FARS2: variants seen among roughly 807,000 people sequenced by gnomAD.
FARS2 encodes phenylalanine--tRNA ligase, mitochondrial.
In FARS2, 40 loss-of-function variants were observed where a neutral mutation model predicts 46.4. The observed-to-expected ratio is 0.86, with a 90% CI of 0.67 to 1.12. The LOEUF (loss-of-function observed/expected upper bound fraction) is 1.12, where lower values mean the gene tolerates loss of function less well. Ranked by LOEUF, FARS2 falls within the 50% of genes most tolerant of loss-of-function variation. The probability of loss-of-function intolerance (pLI) is 0.00; values close to 1 mark genes in which losing one functional copy is unlikely to be tolerated. For synonymous variants in FARS2, 234 were observed against 214.9 expected (o/e 1.09, Z -0.78); for missense variants, 513 against 567.9 (o/e 0.90, Z 0.98).
chr6:5,606,610 G>A (rs1345404246), intron 5 of FARS2, among the ~76,000 whole-genome samples: 8 of 152,150 alleles, frequency 5.3e-5, no homozygotes, highest in Non-Finnish European at 7.3e-5. Flanking sequence ...ACAAGGTACC[G>A]CTGCACTTTC....
chr6:5,350,213 G>C (rs534839604), intron 1 of FARS2, among the ~76,000 whole-genome samples: 3 of 122,544 alleles, frequency 2.4e-5, no homozygotes, highest in African/African-American at 9.9e-5. Flanking sequence ...TCACTATGTT[G>C]CCCAGGCTGA....
chr6:5,354,749 G>A (rs754120368), intron 1 of FARS2, among the ~76,000 whole-genome samples: 26 of 152,022 alleles, frequency 1.7e-4, no homozygotes, highest in East Asian at 1.9e-4. Flanking sequence ...TCCTGACCTC[G>A]TGATCCACCT....
chr6:5,546,991 C>T (rs1443477799), intron 5 of FARS2, among the ~76,000 whole-genome samples: 1 of 151,452 alleles, frequency 6.6e-6, no homozygotes, highest in African/African-American at 2.4e-5. Context: ...TTGCTCTGTT[C>T]CCCAGGCTGG....
chr6:5,285,012 G>C (rs1343526401), intron 1 of FARS2, among the ~76,000 whole-genome samples: 2 of 152,184 alleles, frequency 1.3e-5, no homozygotes, highest in African/African-American at 4.8e-5. Context: ...TTTTGTTAAG[G>C]ATCCTGGCTC....
chr6:5,726,553 A>G (rs924747277), intron 6 of FARS2, among the ~76,000 whole-genome samples: 8 of 152,232 alleles, frequency 5.3e-5, no homozygotes, highest in Admixed American at 1.3e-4. Context: ...GCGCAGGAGC[A>G]CATGAATTGT....
At chr6:5,741,028 TG>T (rs1216076060) in intron 6 of FARS2, among the ~76,000 whole-genome samples, 3 of 152,202 alleles carry the variant, frequency 2.0e-5, no homozygotes, top group Non-Finnish European at 1.5e-5. Flanking sequence ...TAACACAGAC[TG>T]CGGCAGGGTC....
At chr6:5,686,008 TGA>T (rs1757168810) in intron 6 of FARS2, among the ~76,000 whole-genome samples, 1 of 151,972 alleles carries the variant, frequency 6.6e-6, no homozygotes, top group Non-Finnish European at 1.5e-5. Flanking sequence ...ACGTGAAGGG[TGA>T]AAATGATGCC....
chr6:5,535,938 G>A (rs1226110810), intron 4 of FARS2, among the ~76,000 whole-genome samples: 1 of 151,922 alleles, frequency 6.6e-6, no homozygotes. Context: ...TGGTTTGCTG[G>A]TAATTTCTTG....
upstream of FARS2, chr6:5,260,827 G>A: frequency 3.9e-6 from 6 of 1,520,184 alleles, no homozygotes; most frequent in Non-Finnish European, 4.4e-6. Flanking sequence ...AACCACGAAC[G>A]AAATAAAATG....
At chr6:5,763,770 T>G (rs199660081) in intron 6 of FARS2, among the ~76,000 whole-genome samples, 8,555 of 132,098 alleles carry the variant, frequency 0.065, 603 homozygotes, top group East Asian at 0.31. Flanking sequence ...CCCTTTTGGT[T>G]TTTTTTTTTT....
At chr6:5,473,718 G>T (rs539778923) in intron 4 of FARS2, among the ~76,000 whole-genome samples, 5 of 152,178 alleles carry the variant, frequency 3.3e-5, no homozygotes, top group African/African-American at 9.6e-5. Context: ...TTTTTTATTT[G>T]CAGGCTAAAT....
chr6:5,766,670 GA>G (rs1762767280), intron 6 of FARS2, among the ~76,000 whole-genome samples: 1 of 152,116 alleles, frequency 6.6e-6, no homozygotes, highest in African/African-American at 2.4e-5. Context: ...TTTAATTGAG[GA>G]AAAATTGACA....
chr6:5,391,225 T>C (rs6902072), intron 2 of FARS2, among the ~76,000 whole-genome samples: 2 of 152,144 alleles, frequency 1.3e-5, no homozygotes, highest in Non-Finnish European at 2.9e-5. Context: ...GCCTGGAAGA[T>C]GGGGTCATGA....
intron 1 of FARS2, among the ~76,000 whole-genome samples, chr6:5,290,831 C>T (rs541881224): frequency 6.6e-6 from 1 of 152,330 alleles, no homozygotes; most frequent in African/African-American, 2.4e-5. Flanking sequence ...TTCCACCTCC[C>T]ACCTCAGCTT....
At chr6:5,323,425 AGG>A (rs1770124876) in intron 1 of FARS2, among the ~76,000 whole-genome samples, 1 of 152,238 alleles carries the variant, frequency 6.6e-6, no homozygotes, top group African/African-American at 2.4e-5. Context: ...GGTTGGCCTT[AGG>A]AAGCCTGGGT....
At chr6:5,326,601 C>G (rs1295268913) in intron 1 of FARS2, among the ~76,000 whole-genome samples, 7 of 152,200 alleles carry the variant, frequency 4.6e-5, no homozygotes, top group Admixed American at 4.6e-4. Flanking sequence ...TCCTGTGTCA[C>G]CTTCGTTAAA....
In FARS2 at chr6:5,528,070, G is replaced by A. The variant is rs145957108; in HGVS notation, c.905-17110G>A. Among the ~76,000 whole-genome samples the A allele has an allele frequency of 6.1e-3, 932 of 152,062 alleles. 11 individuals carry two copies. Among genetic ancestry groups the A allele is most frequent in the African/African-American group, 0.021 (867 of 41,484 alleles). On this transcript the variant is annotated intron_variant, in intron 4 of 6. Transcript: ENST00000274680. ...AGCAAGGCATAACTATTCCCTTTACGTTTTCAAAAGGTTCTGCAATACCCT... is the reference window on the plus strand; with the variant it reads ...AGCAAGGCATAACTATTCCCTTTACATTTTCAAAAGGTTCTGCAATACCCT...
At chr6:5,737,933 A>G (rs945678951) in intron 6 of FARS2, among the ~76,000 whole-genome samples, 1 of 152,132 alleles carries the variant, frequency 6.6e-6, no homozygotes, top group Non-Finnish European at 1.5e-5. Context: ...TACCTTCAGA[A>G]TTCGTTGTTA....
Position 5,652,890 on chromosome 6 carries a change from G to A in FARS2, c.1217+39570G>A, listed in dbSNP as rs571170264. Among the ~76,000 whole-genome samples the A allele has an allele frequency of 1.8e-4, 28 of 152,344 alleles. No individual in the cohort carries two copies. The South Asian group carries it at 2.1e-3, about 11-fold the overall frequency. ...CCAGACAGTCTGTAAGGCAGTGATC[G>A]TGTCCAGGATCCTAAGAGTTTCCTT... On this transcript the variant is annotated intron_variant, in intron 6 of 6. Transcript: ENST00000274680.
Sources: gnomAD v4.1 joint callset for allele counts (sites outside exome capture counted in the v4.1 genomes callset) on GRCh38, gnomAD v4.1.1 for gene constraint, MANE v1.5 for transcripts, NCBI Gene and HGNC (gene_info 2026-07-23, HGNC 2026-07-21) for gene names.